The following PARD3 variants were observed in gnomAD, a reference collection of about 807,000 sequenced individuals.
PARD3 encodes par-3 family cell polarity regulator.
PARD3 carries 75 observed loss-of-function variants against 155.4 expected under a neutral mutation model. The observed-to-expected ratio is 0.48, with a 90% CI of 0.40 to 0.58. The LOEUF is 0.58. PARD3 is among the 20% of genes least tolerant of loss of function. The pLI, the probability that PARD3 is intolerant of heterozygous loss-of-function variation, is 0.00. For missense variants in PARD3, 1,642 were observed against 1,721.7 expected (o/e 0.95, Z 0.82); for synonymous variants, 576 against 610.5 (o/e 0.94, Z 0.83).
At chr10:34,578,151 G>A (rs746303645) in intron 2 of PARD3, among the ~76,000 whole-genome samples, 3 of 151,672 alleles carry the variant, frequency 2.0e-5, no homozygotes, top group Non-Finnish European at 4.4e-5. Flanking sequence ...GCTGAGATTA[G>A]AGGCTAAGAT....
chr10:34,750,070 C>CAAAA (rs59424823), intron 1 of PARD3, among the ~76,000 whole-genome samples: 2 of 135,018 alleles, frequency 1.5e-5, no homozygotes, highest in African/African-American at 5.5e-5. Context: ...CACACACACA[C>CAAAA]AAAACCCGCA....
intron 22 of PARD3, among the ~76,000 whole-genome samples, chr10:34,162,239 G>A (rs1341191712): frequency 1.3e-5 from 2 of 152,134 alleles, no homozygotes; most frequent in African/African-American, 2.4e-5. Context: ...GAGCCACCAG[G>A]AATTCAAACC....
intron 2 of PARD3, among the ~76,000 whole-genome samples, chr10:34,539,107 C>A (rs2083423484): frequency 6.6e-6 from 1 of 152,162 alleles, no homozygotes; most frequent in African/African-American, 2.4e-5. Flanking sequence ...CAGGGTCCTG[C>A]CTCAGACATC....
rs924499324 is a variant in PARD3 at position 34,179,176 on chromosome 10, A to G, written c.3420-47593T>C. 1.5e-3 allele frequency among the ~76,000 whole-genome samples: 123 copies of G among 80,698 alleles called. 2 individuals are homozygous for G. Among genetic ancestry groups the G allele is most frequent in the East Asian group, 0.011 (56 of 5,126 alleles). The allele number at this position is 80,698 out of a possible 152,430, so 52.9% of individuals were successfully genotyped here. Reference sequence around the variant, plus strand: ...CACGCATGTGCGTGCGCGCACACACACACACACACACACACACACACACAT... The same window carrying G: ...CACGCATGTGCGTGCGCGCACACACGCACACACACACACACACACACACAT... On this transcript the variant is annotated intron_variant, in intron 22 of 24. Coordinates refer to ENST00000374788, the MANE Select transcript of PARD3 (RefSeq NM_001184785.2).
At chr10:34,793,690 G>T (rs1367090794) in intron 1 of PARD3, among the ~76,000 whole-genome samples, 1 of 152,080 alleles carries the variant, frequency 6.6e-6, no homozygotes, top group African/African-American at 2.4e-5. Context: ...GGAGTCTGAG[G>T]CAGGAGAATT....
At chr10:34,325,081 C>T (rs1958608887) in intron 19 of PARD3, among the ~76,000 whole-genome samples, 1 of 152,048 alleles carries the variant, frequency 6.6e-6, no homozygotes, top group Non-Finnish European at 1.5e-5. Flanking sequence ...GTGATCTTGG[C>T]TCACTGCAAC....
At chr10:34,263,117 C>T (rs1241006700) in intron 22 of PARD3, among the ~76,000 whole-genome samples, 1 of 152,222 alleles carries the variant, frequency 6.6e-6, no homozygotes, top group South Asian at 2.1e-4. Context: ...TCATTCCTTG[C>T]TTGTTTCTGC....
intron 22 of PARD3, among the ~76,000 whole-genome samples, chr10:34,172,755 A>C (rs553667154): frequency 1.2e-4 from 17 of 143,556 alleles, no homozygotes; most frequent in African/African-American, 3.4e-4. Flanking sequence ...ACAACAAAAA[A>C]AAAAACAAAA....
chr10:34,342,332 T>A (rs1289570596), intron 15 of PARD3, among the ~76,000 whole-genome samples: 1 of 152,104 alleles, frequency 6.6e-6, no homozygotes, highest in East Asian at 1.9e-4. Context: ...TAGAGATGAG[T>A]CCAAAGCCAT....
intron 22 of PARD3, among the ~76,000 whole-genome samples, chr10:34,236,993 T>C (rs780439004): frequency 3.9e-5 from 6 of 152,166 alleles, no homozygotes; most frequent in Non-Finnish European, 8.8e-5. Context: ...TTTAAATTTA[T>C]CCGAATAACA....
At chr10:34,235,099 A>T (rs1311860367) in intron 22 of PARD3, among the ~76,000 whole-genome samples, 1 of 152,232 alleles carries the variant, frequency 6.6e-6, no homozygotes, top group African/African-American at 2.4e-5. Context: ...TTAATTTTTT[A>T]AAAATATTCT....
chr10:34,578,817 T>C (rs1441652492), intron 2 of PARD3, among the ~76,000 whole-genome samples: 2 of 152,246 alleles, frequency 1.3e-5, no homozygotes, highest in South Asian at 2.1e-4. Flanking sequence ...CCTTGAATTA[T>C]ACATACTAAC....
intron 19 of PARD3, among the ~76,000 whole-genome samples, chr10:34,329,677 C>A (rs1835406396): frequency 6.6e-6 from 1 of 151,996 alleles, no homozygotes. Context: ...AAGTTCTGGG[C>A]CTGGAGAGGC....
chr10:34,425,121 T>G (rs1278312068), intron 5 of PARD3, among the ~76,000 whole-genome samples: 1 of 152,136 alleles, frequency 6.6e-6, no homozygotes, highest in African/African-American at 2.4e-5. Context: ...CTTCCAATTT[T>G]TTTCCATCTC....
intron 2 of PARD3, among the ~76,000 whole-genome samples, chr10:34,672,956 T>C (rs1259465238): frequency 7.9e-5 from 12 of 152,320 alleles, no homozygotes; most frequent in Middle Eastern, 3.4e-3. Context: ...CAGCAGTCTT[T>C]TTTGTTGTTA....
chr10:34,345,639 T>C, intron 15 of PARD3: 1 of 985,346 alleles, frequency 1.0e-6, no homozygotes, highest in Non-Finnish European at 1.2e-6. Flanking sequence ...AGTCCTAATG[T>C]CTTTGGAACT....
chr10:34,119,441 C>T (rs1469562573), intron 24 of PARD3, among the ~76,000 whole-genome samples, 172 bp downstream of exon 24: 1 of 152,176 alleles, frequency 6.6e-6, no homozygotes. Flanking sequence ...CCTCGCAGTA[C>T]GACAGCCCCC....
At position 34,337,153 on chromosome 10, in the gene PARD3, C is replaced by A. The variant is rs1836280233; in HGVS notation, c.2560+122G>T. On this transcript the variant is annotated intron_variant, in intron 17 of 24. Coordinates refer to ENST00000374788, the MANE Select transcript of PARD3 (RefSeq NM_001184785.2). ...AGAAAAACTAATTTTTGCCAAATTG[C>A]CACATTTCACATTTATTTTCTCTAT... The A allele has an allele frequency of 8.3e-6, 5 of 604,592 alleles. No individual in the cohort carries two copies. The South Asian group carries it at 1.6e-4, about 19-fold the overall frequency. 37.5% of individuals were successfully genotyped at this position (604,592 alleles called of 1,614,324 possible).
intron 1 of PARD3, among the ~76,000 whole-genome samples, chr10:34,769,784 A>G (rs11009928): frequency 0.28 from 31,893 of 112,646 alleles, 4,469 homozygotes; most frequent in East Asian, 0.57. Context: ...ACAAACAAAC[A>G]AACGAACAAA....
Sources: gnomAD v4.1 joint callset for allele counts (sites outside exome capture counted in the v4.1 genomes callset) on GRCh38, gnomAD v4.1.1 for gene constraint, MANE v1.5 for transcripts, NCBI Gene and HGNC (gene_info 2026-07-23, HGNC 2026-07-21) for gene names.